The following THOC5 variants were observed in gnomAD, a reference collection of about 807,000 sequenced individuals.
THOC5 encodes the protein Fms-interacting protein.
THOC5 carries 43 observed loss-of-function variants against 92.9 expected under a neutral mutation model. That is an observed-to-expected ratio of 0.46 (90% CI 0.36 to 0.60). THOC5 has a LOEUF of 0.60. THOC5 is among the 20% of genes least tolerant of loss of function. THOC5 has a pLI of 0.00. For missense variants in THOC5, 659 were observed against 849.4 expected, an observed-to-expected ratio of 0.78 and a Z score of 2.79; for synonymous variants, 296 against 320.1, an observed-to-expected ratio of 0.92 and a Z score of 0.80.
chr22:29,508,034 A>G lies in THOC5; in HGVS notation c.*423T>C, dbSNP rs151282737. 2.4e-5 allele frequency: 4 copies of G among 168,930 alleles called. No individual in the cohort carries two copies. The East Asian group carries it at 6.8e-4, about 29-fold the overall frequency. 10.5% of individuals were successfully genotyped at this position (168,930 alleles called of 1,614,324 possible). ...TGGGAAGAGCGGGTGGGGAGGGAAG[A>G]GTTTTGCTTTTTGTGCTCTGCTGCC... On this transcript the variant is annotated 3_prime_UTR_variant, in exon 20 of 20. Coordinates refer to ENST00000490103, the MANE Select transcript of THOC5 (RefSeq NM_003678.5).
At chr22:29,538,561 G>A (rs1428876430) in intron 6 of THOC5, among the ~76,000 whole-genome samples, 2 of 152,006 alleles carry the variant, frequency 1.3e-5, no homozygotes, top group African/African-American at 2.4e-5. Flanking sequence ...ACTTTGGGAG[G>A]CCAAGGTGGG....
intron 17 of THOC5, 48 bp from the exon 18 acceptor site, chr22:29,512,184 T>C (rs752913067): frequency 6.5e-7 from 1 of 1,530,592 alleles, no homozygotes; most frequent in East Asian, 2.3e-5. Context: ...AGACTCAGCT[T>C]GCCAGCCATG....
chr22:29,518,758 C>T (rs2063381110), intron 15 of THOC5, among the ~76,000 whole-genome samples: 1 of 152,224 alleles, frequency 6.6e-6, no homozygotes, highest in Non-Finnish European at 1.5e-5. Flanking sequence ...AAACTTGTGC[C>T]ACCCAATGGC....
intron 19 of THOC5, among the ~76,000 whole-genome samples, chr22:29,509,822 G>A (rs1484474976): frequency 7.0e-6 from 1 of 142,858 alleles, no homozygotes; most frequent in African/African-American, 2.6e-5. Flanking sequence ...AACAAGGTGA[G>A]GGAGAGGTAA....
chr22:29,532,765 G>C (rs1339748542), intron 7 of THOC5, among the ~76,000 whole-genome samples: 1 of 152,142 alleles, frequency 6.6e-6, no homozygotes. Flanking sequence ...ATCACCTGAG[G>C]TCAGGAGTTT....
At chr22:29,551,941 A>G (rs2064158386) in intron 1 of THOC5, among the ~76,000 whole-genome samples, 2 of 151,840 alleles carry the variant, frequency 1.3e-5, no homozygotes, top group Non-Finnish European at 2.9e-5. Context: ...GCGCGCCGCC[A>G]CGCCTGACTG....
At chr22:29,514,348 G>A (rs1251113110) in intron 17 of THOC5, among the ~76,000 whole-genome samples, 26 of 137,434 alleles carry the variant, frequency 1.9e-4, no homozygotes, top group Admixed American at 6.9e-4. Flanking sequence ...ATGGAGTCTC[G>A]CACTGTCACC....
At chr22:29,535,497 T>C (rs1054609036) in intron 7 of THOC5, 11 of 152,152 alleles carry the variant, frequency 7.2e-5, no homozygotes, top group African/African-American at 2.4e-4. Flanking sequence ...AACCAAGGTA[T>C]AGAAATGAGT....
intron 7 of THOC5, 63 bp from the exon 8 acceptor site, chr22:29,532,026 CTACT>C: frequency 6.3e-7 from 1 of 1,574,996 alleles, no homozygotes; most frequent in Non-Finnish European, 8.7e-7. Context: ...GAAAAAGTGG[CTACT>C]TAGTGACCGT....
intron 6 of THOC5, among the ~76,000 whole-genome samples, chr22:29,538,342 T>C (rs961181577): frequency 1.3e-5 from 2 of 152,200 alleles, no homozygotes; most frequent in African/African-American, 2.4e-5. Flanking sequence ...GGGAATAATT[T>C]TGTGCATTTT....
chr22:29,552,055 A>G lies in THOC5; in HGVS notation c.-12+1616T>C, dbSNP rs372550855. Among the ~76,000 whole-genome samples, 646 of 152,296 alleles carry G rather than the reference A, an allele frequency of 4.2e-3. 12 individuals carry two copies. In the Middle Eastern group the frequency reaches 0.044, roughly 10 times the overall value. On this transcript the variant is annotated intron_variant, in intron 1 of 19. Transcript: ENST00000490103. Reference sequence around the variant, plus strand: ...GCCAGCCTCGGCCTCCCGAGGTGCCAGGATTGCAGACGGAGTCTCGTTCAC... The same window carrying G: ...GCCAGCCTCGGCCTCCCGAGGTGCCGGGATTGCAGACGGAGTCTCGTTCAC...
Position 29,529,192 on chromosome 22 carries a change from C to A in THOC5, c.895G>T (p.Ala299Ser). The A allele has an allele frequency of 1.2e-6, 2 of 1,614,216 alleles. No individual in the cohort carries two copies. Among genetic ancestry groups the A allele is most frequent in the Non-Finnish European group, 1.7e-6 (2 of 1,180,042 alleles). The change falls in exon 9 of 20, where the codon GCT becomes TCT. Residue 299 changes from alanine to serine, a missense_variant. Coordinates refer to ENST00000490103, the MANE Select transcript of THOC5 (RefSeq NM_003678.5). ...GAGTCCTCTGGAGGTTTGAACAGAGCCTTGGCTTCATCCACACTGCCTTCG... is the reference window on the plus strand; with the variant it reads ...GAGTCCTCTGGAGGTTTGAACAGAGACTTGGCTTCATCCACACTGCCTTCG... The part of the protein sequence containing the change: ...AIEGSVDEAK[A>S]LFKPPEDSQD...
chr22:29,508,543 T>C, intron 19 of THOC5, 23 bp from the exon 20 acceptor site: 3 of 1,600,456 alleles, frequency 1.9e-6, no homozygotes, highest in South Asian at 1.1e-5. Context: ...GAGAACGGAG[T>C]TGTTAATAAC....
intron 8 of THOC5, chr22:29,531,105 T>A (rs761998776): frequency 1.3e-5 from 15 of 1,186,278 alleles, no homozygotes; most frequent in Non-Finnish European, 1.5e-5. Context: ...GAGGATTTCA[T>A]ATGAGCTGAT....
chr22:29,552,568 G>T (rs55888944), intron 1 of THOC5, among the ~76,000 whole-genome samples: 1 of 149,712 alleles, frequency 6.7e-6, no homozygotes, highest in African/African-American at 2.5e-5. Context: ...CCCGTCCGGG[G>T]GGGAGGTGGG....
At chr22:29,531,049 T>A in intron 8 of THOC5, 1 of 1,098,728 alleles carries the variant, frequency 9.1e-7, no homozygotes, top group Non-Finnish European at 1.1e-6. Flanking sequence ...AGGCCGATTT[T>A]AAACATAAAA....
intron 2 of THOC5, chr22:29,545,176 C>G (rs2063990270): frequency 3.1e-6 from 1 of 324,532 alleles, no homozygotes; most frequent in African/African-American, 2.3e-5. Context: ...CCTTATAAAC[C>G]CATCAGATGT....
intron 1 of THOC5, among the ~76,000 whole-genome samples, chr22:29,552,822 A>T (rs911478939): frequency 8.5e-5 from 13 of 152,214 alleles, no homozygotes; most frequent in Admixed American, 3.3e-4. Flanking sequence ...GGGAAAAGAT[A>T]GAGAAATCGG....
At chr22:29,527,107 C>T (rs999900908) in intron 11 of THOC5, among the ~76,000 whole-genome samples, 3 of 152,056 alleles carry the variant, frequency 2.0e-5, no homozygotes, top group African/African-American at 7.3e-5. Flanking sequence ...GTTATTTTGG[C>T]AAGTCTTCTA....
Sources: allele counts gnomAD v4.1 joint callset (sites outside exome capture counted in the v4.1 genomes callset), GRCh38; gene constraint gnomAD v4.1.1; transcripts MANE v1.5; gene names NCBI Gene and HGNC (gene_info 2026-07-23, HGNC 2026-07-21).